Variants in TF observed in about 807,000 individuals in gnomAD.
TF encodes serotransferrin.
In TF, 55 loss-of-function variants were observed where a neutral mutation model predicts 82.4. The observed-to-expected ratio is 0.67, with a 90% CI of 0.54 to 0.84. The LOEUF (loss-of-function observed/expected upper bound fraction) is 0.84, where lower values mean the gene tolerates loss of function less well. Ranked by LOEUF, TF falls within the 40% of genes least tolerant of loss-of-function variation. The pLI, the probability that TF is intolerant of heterozygous loss-of-function variation, is 0.00. For synonymous variants in TF, 332 were observed against 332.6 expected, an observed-to-expected ratio of 1.00 and a Z score of 0.02; for missense variants, 737 against 868.4, an observed-to-expected ratio of 0.85 and a Z score of 1.90.
chr3:133,732,622 A>T, the TF span, among the ~76,000 whole-genome samples: 1 of 152,198 alleles, frequency 6.6e-6, no homozygotes, highest in African/African-American at 2.4e-5. Context: ...GAGCTGTAAC[A>T]GTCATCATGA....
the TF span, among the ~76,000 whole-genome samples, chr3:133,696,461 T>C: frequency 6.6e-6 from 1 of 152,224 alleles, no homozygotes; most frequent in Non-Finnish European, 1.5e-5. Context: ...TTAGAACATA[T>C]CCCCCTTGAA....
the TF span, among the ~76,000 whole-genome samples, chr3:133,683,874 T>G: frequency 6.6e-6 from 1 of 152,164 alleles, no homozygotes; most frequent in Admixed American, 6.5e-5. Context: ...TACAGAACTC[T>G]CCACCCCAAA....
the TF span, among the ~76,000 whole-genome samples, chr3:133,678,195 C>CT: frequency 6.6e-6 from 1 of 152,154 alleles, no homozygotes; most frequent in African/African-American, 2.4e-5. Context: ...TGAACTCATC[C>CT]TTTTTTATGG....
At position 133,756,992 on chromosome 3, in the gene TF, C is replaced by T. The variant is rs368538762; in HGVS notation, c.853C>T (p.Leu285Phe). Reference sequence around the variant, plus strand: ...CGGCAAGGAGGACTTGATCTGGGAGCTTCTCAACCAGGCCCAGGTATCCCC... The same window carrying T: ...CGGCAAGGAGGACTTGATCTGGGAGTTTCTCAACCAGGCCCAGGTATCCCC... The part of the protein sequence containing the change: ...MGGKEDLIWE[L>F]LNQAQEHFGK... The change falls in exon 7 of 17, where the codon CTT (leucine) becomes TTT (phenylalanine). Residue 285 changes from leucine (L) to phenylalanine (F), a missense_variant. Transcript: ENST00000402696. The T allele has an allele frequency of 5.0e-6, 8 of 1,614,158 alleles. No homozygotes were observed. Among genetic ancestry groups the T allele is most frequent in the South Asian group, 1.1e-5 (1 of 91,084 alleles).
chr3:133,678,860 T>TGTTTC, the TF span, among the ~76,000 whole-genome samples: 1 of 144,906 alleles, frequency 6.9e-6, no homozygotes, highest in African/African-American at 2.8e-5. Context: ...TTTTTTGTTT[T>TGTTTC]GTTTTGTTTT....
chr3:133,788,118 G>A lies in TF; in HGVS notation c.*9498G>A, dbSNP rs1194220930. 1 of 152,302 alleles carries A rather than the reference G, an allele frequency of 6.6e-6. No homozygotes were observed. The highest frequency in any genetic ancestry group is 1.9e-4 in the East Asian group (1 of 5,194). 9.4% of individuals were successfully genotyped at this position (152,302 alleles called of 1,614,324 possible). ...GCAAGAGAATAGGGTCTGGAGGCAG[G>A]AAACATAAAGCAGATTCATGCAGAC... is the stretch of plus-strand genomic sequence containing the variant. On this transcript the variant is annotated 3_prime_UTR_variant, in exon 17 of 17. Coordinates refer to ENST00000402696, the MANE Select transcript of TF (RefSeq NM_001063.4).
chr3:133,729,665 G>A, the TF span, among the ~76,000 whole-genome samples: 1 of 152,126 alleles, frequency 6.6e-6, no homozygotes, highest in African/African-American at 2.4e-5. Context: ...GCTGCACCCA[G>A]TGTCCTGCAC....
At chr3:133,704,488 GA>G in the TF span, among the ~76,000 whole-genome samples, 1 of 152,200 alleles carries the variant, frequency 6.6e-6, no homozygotes, top group Non-Finnish European at 1.5e-5. Context: ...AAACAATTAA[GA>G]TATAGACAAA....
chr3:133,777,956 T>G (rs1934435210), intron 16 of TF: 1 of 157,998 alleles, frequency 6.3e-6, no homozygotes, highest in African/African-American at 2.4e-5. Flanking sequence ...CACAGGAGTA[T>G]GCAGATAAGG....
At chr3:133,682,974 A>G in the TF span, among the ~76,000 whole-genome samples, 1 of 152,246 alleles carries the variant, frequency 6.6e-6, no homozygotes, top group Non-Finnish European at 1.5e-5. Flanking sequence ...TTACCCACAA[A>G]GGGAAGCTCA....
chr3:133,770,369 T>C (rs1934230050), intron 13 of TF, 139 bp from the exon 14 acceptor site: 5 of 795,580 alleles, frequency 6.3e-6, no homozygotes, highest in Non-Finnish European at 1.1e-5. Flanking sequence ...CTTTATTCCT[T>C]ACATTGCTTA....
At chr3:133,712,531 T>G in the TF span, 1 of 152,578 alleles carries the variant, frequency 6.6e-6, no homozygotes, top group Non-Finnish European at 1.5e-5. Flanking sequence ...CATAAAGTCT[T>G]GCTTTTAATA....
In TF at chr3:133,793,321, G is replaced by A. The variant is rs917247008; in HGVS notation, c.*14701G>A. The A allele has an allele frequency of 6.6e-6, 1 of 152,012 alleles. No individual in the cohort carries two copies. Among genetic ancestry groups the A allele is most frequent in the Non-Finnish European group, 1.5e-5 (1 of 67,952 alleles). The allele number at this position is 152,012 out of a possible 1,614,324, so 9.4% of individuals were successfully genotyped here. ...GTAACCTGGAATTCCATTTCATAATGTCAAGTGTTTTAAATCTTTAACATA... is the reference window on the plus strand; with the variant it reads ...GTAACCTGGAATTCCATTTCATAATATCAAGTGTTTTAAATCTTTAACATA... On this transcript the variant is annotated 3_prime_UTR_variant, in exon 17 of 17. Transcript: ENST00000402696.
At chr3:133,766,175 C>G in intron 11 of TF, 103 bp from the exon 12 acceptor site, 1 of 1,101,372 alleles carries the variant, frequency 9.1e-7, no homozygotes, top group Non-Finnish European at 1.4e-6. Context: ...GACACAATGA[C>G]TGATTGAGGA....
At chr3:133,717,351 C>A in the TF span, among the ~76,000 whole-genome samples, 1 of 152,116 alleles carries the variant, frequency 6.6e-6, no homozygotes, top group Non-Finnish European at 1.5e-5. Flanking sequence ...TCAGGATGTC[C>A]AGTTAAATTA....
intron 4 of TF, among the ~76,000 whole-genome samples, chr3:133,754,916 G>C (rs1050680761): frequency 6.6e-6 from 1 of 152,346 alleles, no homozygotes; most frequent in South Asian, 2.1e-4. Context: ...AGGAAAGGGC[G>C]CAAGGCTCGG....
the TF span, among the ~76,000 whole-genome samples, chr3:133,685,516 A>T: frequency 2.0e-5 from 3 of 152,198 alleles, no homozygotes; most frequent in Admixed American, 2.0e-4. Context: ...TCAGGATACA[A>T]AATCAATGTG....
chr3:133,715,257 C>A, the TF span, among the ~76,000 whole-genome samples: 2 of 152,204 alleles, frequency 1.3e-5, no homozygotes, highest in Non-Finnish European at 2.9e-5. Flanking sequence ...CTTCCCCCAC[C>A]TTTCATACCT....
At chr3:133,700,273 T>A in the TF span, 1 of 152,480 alleles carries the variant, frequency 6.6e-6, no homozygotes, top group East Asian at 1.9e-4. Flanking sequence ...TGGCATTTCA[T>A]GTAGAGTCAC....
Sources: allele counts gnomAD v4.1 joint callset (sites outside exome capture counted in the v4.1 genomes callset), GRCh38; gene constraint gnomAD v4.1.1; transcripts MANE v1.5; gene names NCBI Gene and HGNC (gene_info 2026-07-23, HGNC 2026-07-21).